The following WASF1 variants were observed in gnomAD, a reference collection of about 807,000 sequenced individuals.
WASF1 encodes the protein actin-binding protein WASF1.
WASF1 carries 7 observed loss-of-function variants against 50.5 expected under a neutral mutation model. That is an observed-to-expected ratio of 0.14 (90% confidence interval 0.08 to 0.26). The LOEUF (loss-of-function observed/expected upper bound fraction) is 0.26. Among genes scored for constraint, WASF1 ranks in the 10% least tolerant of loss-of-function variants. The pLI, the probability that WASF1 is intolerant of heterozygous loss-of-function variation, is 1.00. For synonymous variants in WASF1, 205 were observed against 244.0 expected (o/e 0.84, Z 1.49); for missense variants, 470 against 694.7 (o/e 0.68, Z 3.64).
intron 3 of WASF1, among the ~76,000 whole-genome samples, chr6:110,141,482 C>T (rs78726929): frequency 0.033 from 4,987 of 152,236 alleles, 146 homozygotes; most frequent in South Asian, 0.12. Flanking sequence ...TAACCATCTA[C>T]TCTTTGATGC....
In WASF1 at chr6:110,164,562, C is replaced by A. The variant is rs375110029; in HGVS notation, c.-126-3830G>T. On this transcript the variant is annotated intron_variant, in intron 2 of 10. Transcript: ENST00000392589. ...CCAAAATCTAAAACACTGGCAATAC[C>A]AAATGATGGAGAGAATGCAGAGCAA... Among the ~76,000 whole-genome samples the A allele has an allele frequency of 1.3e-4, 20 of 151,700 alleles. No individual in the cohort carries two copies. In the East Asian group the frequency reaches 3.1e-3, roughly 24 times the overall value.
At chr6:110,142,090 G>T (rs1341429649) in intron 3 of WASF1, among the ~76,000 whole-genome samples, 1 of 152,132 alleles carries the variant, frequency 6.6e-6, no homozygotes, top group African/African-American at 2.4e-5. Flanking sequence ...GCATGGAAAA[G>T]AAATACATTT....
rs146326036 is a variant in WASF1, at chr6:110,134,579, C to T, written c.-28-6950G>A. On this transcript the variant is annotated intron_variant, in intron 3 of 10. Transcript: ENST00000392589. ...AGCTAGGATTACAGGTGCCCACCACCACGCCTGGCTAATTTTTTTTATTTT... is the reference window on the plus strand; with the variant it reads ...AGCTAGGATTACAGGTGCCCACCACTACGCCTGGCTAATTTTTTTTATTTT... 4.6e-5 allele frequency among the ~76,000 whole-genome samples: 7 copies of T among 152,166 alleles called. No homozygotes were observed. The East Asian group carries it at 1.4e-3, about 29-fold the overall frequency.
chr6:110,102,774 C>T (rs1232673110), intron 9 of WASF1, among the ~76,000 whole-genome samples: 1 of 149,474 alleles, frequency 6.7e-6, no homozygotes, highest in Non-Finnish European at 1.5e-5. Context: ...AAGCTGATCT[C>T]TATATCTCTA....
At chr6:110,105,653 T>G in intron 7 of WASF1, 74 bp from the exon 8 acceptor site, 1 of 1,404,124 alleles carries the variant, frequency 7.1e-7, no homozygotes, top group Middle Eastern at 1.8e-4. Flanking sequence ...AACAATCAAA[T>G]TAAACTCTAA....
chr6:110,138,174 G>A (rs909538938), intron 3 of WASF1, among the ~76,000 whole-genome samples: 2 of 152,254 alleles, frequency 1.3e-5, no homozygotes, highest in Non-Finnish European at 2.9e-5. Context: ...AGCTCCAGGT[G>A]CTGGCACAGG....
chr6:110,121,693 C>G (rs927704716), intron 4 of WASF1, among the ~76,000 whole-genome samples: 1 of 152,148 alleles, frequency 6.6e-6, no homozygotes, highest in Non-Finnish European at 1.5e-5. Context: ...GGTACATACC[C>G]AAAGGATTAT....
At chr6:110,146,780 T>C (rs987390301) in intron 3 of WASF1, among the ~76,000 whole-genome samples, 1 of 152,158 alleles carries the variant, frequency 6.6e-6, no homozygotes, top group Non-Finnish European at 1.5e-5. Context: ...TAGAAGCTTG[T>C]GTTTCTTGTG....
chr6:110,127,093 G>A (rs562764406), intron 4 of WASF1, among the ~76,000 whole-genome samples: 3 of 152,152 alleles, frequency 2.0e-5, no homozygotes, highest in African/African-American at 7.2e-5. Flanking sequence ...TATATATAAA[G>A]AGAGGGATAC....
rs189498990 is a variant in WASF1 at position 110,106,431 on chromosome 6, G to C, written c.540+646C>G. 3.0e-3 allele frequency among the ~76,000 whole-genome samples: 450 copies of C among 152,338 alleles called. 3 individuals are homozygous for C. The highest frequency in any genetic ancestry group is 5.6e-3 in the Admixed American group (85 of 15,298). On this transcript the variant is annotated intron_variant, in intron 7 of 10. Coordinates refer to ENST00000392589, the MANE Select transcript of WASF1 (RefSeq NM_003931.3). ...TTAGGGAAAGCAGAGATAGCTACAG[G>C]AGAACCAGAGAGATGATAAAGACAG...
intron 2 of WASF1, among the ~76,000 whole-genome samples, chr6:110,164,627 GA>G (rs755480154): frequency 6.6e-5 from 10 of 151,742 alleles, no homozygotes; most frequent in Admixed American, 5.3e-4. Flanking sequence ...TGCATAATTG[GA>G]AGACAGTTTG....
intron 2 of WASF1, among the ~76,000 whole-genome samples, chr6:110,166,227 G>A (rs932985198): frequency 6.6e-6 from 1 of 151,002 alleles, no homozygotes; most frequent in African/African-American, 2.4e-5. Context: ...ACTAAGAAGA[G>A]AGTTTACCAA....
At chr6:110,106,026 A>G (rs566174515) in intron 7 of WASF1, among the ~76,000 whole-genome samples, 1 of 152,340 alleles carries the variant, frequency 6.6e-6, no homozygotes, top group African/African-American at 2.4e-5. Flanking sequence ...AAAAAATCCA[A>G]TTATCTAATT....
intron 4 of WASF1, among the ~76,000 whole-genome samples, chr6:110,125,849 C>T (rs1229446762): frequency 6.6e-6 from 1 of 152,136 alleles, no homozygotes; most frequent in Non-Finnish European, 1.5e-5. Flanking sequence ...TACAGCATAA[C>T]CATGTGCCTG....
Sources: allele counts gnomAD v4.1 joint callset (sites outside exome capture counted in the v4.1 genomes callset), GRCh38; gene constraint gnomAD v4.1.1; transcripts MANE v1.5; gene names NCBI Gene and HGNC (gene_info 2026-07-23, HGNC 2026-07-21).